Variants in PAWR observed in about 807,000 individuals in gnomAD.
PAWR encodes PRKC apoptosis WT1 regulator protein.
In PAWR, 23 loss-of-function variants were observed where a neutral mutation model predicts 32.0. The ratio of observed to expected loss-of-function variants is 0.72; its 90% CI spans 0.52 to 1.02. PAWR has a LOEUF of 1.02. Among genes scored for constraint, PAWR ranks in the 50% least tolerant of loss-of-function variants. The pLI is 0.00. For synonymous variants in PAWR, 226 were observed against 187.1 expected (o/e 1.21, Z -1.70); for missense variants, 457 against 437.7 (o/e 1.04, Z -0.39).
chr12:79,666,208 A>T lies in PAWR; in HGVS notation c.516+23521T>A, dbSNP rs375611926. 5.9e-5 allele frequency among the ~76,000 whole-genome samples: 9 copies of T among 152,278 alleles called. 1 individual carries two copies. The highest frequency in any genetic ancestry group is 2.2e-4 in the African/African-American group (9 of 41,570). On this transcript the variant is annotated intron_variant, in intron 2 of 6. Transcript: ENST00000328827. The stretch of plus-strand genomic sequence containing the variant: ...AAGGGGGCTTAAAAGTAGTCTTCTC[A>T]TCTCTTTCTCACATAGTAAAATGAA...
chr12:79,667,241 G>A (rs1196628516), intron 2 of PAWR, among the ~76,000 whole-genome samples: 1 of 152,090 alleles, frequency 6.6e-6, no homozygotes, highest in African/African-American at 2.4e-5. Context: ...AGCTGATCTA[G>A]GCAATTTACC....
intron 2 of PAWR, among the ~76,000 whole-genome samples, chr12:79,639,911 C>CATTCCATTCCATTCCATTCCATTCT (rs1566014452): frequency 7.8e-5 from 8 of 102,872 alleles, no homozygotes; most frequent in African/African-American, 4.0e-4. Flanking sequence ...CATTCCATTC[C>CATTCCATTCCATTCCATTCCATTCT]ATTCTATTCT....
chr12:79,639,578 C>T (rs1876179399), intron 2 of PAWR, among the ~76,000 whole-genome samples: 1 of 152,134 alleles, frequency 6.6e-6, no homozygotes, highest in Non-Finnish European at 1.5e-5. Flanking sequence ...GTCCCCTGGA[C>T]TTCTATGCAC....
At chr12:79,663,664 G>A (rs964666618) in intron 2 of PAWR, among the ~76,000 whole-genome samples, 1 of 152,116 alleles carries the variant, frequency 6.6e-6, no homozygotes, top group Middle Eastern at 3.4e-3. Context: ...GGAGGCTGAG[G>A]TGGGACAATC....
chr12:79,611,791 G>A (rs1025605457), intron 4 of PAWR, among the ~76,000 whole-genome samples: 14 of 151,982 alleles, frequency 9.2e-5, no homozygotes, highest in Non-Finnish European at 1.2e-4. Flanking sequence ...CAAACACATG[G>A]ACATATCACA....
rs1206621919 is a variant in PAWR at position 79,587,967 on chromosome 12, T to C, written c.*4640A>G. On this transcript the variant is annotated 3_prime_UTR_variant, in exon 7 of 7. Transcript: ENST00000328827. ...TATCCAGATGTTTTTCCACAAATATTTGGATTACCTGAATTAGCTGATTCT... is the reference window on the plus strand; with the variant it reads ...TATCCAGATGTTTTTCCACAAATATCTGGATTACCTGAATTAGCTGATTCT... 2.0e-5 allele frequency: 3 copies of C among 152,058 alleles called. No individual in the cohort carries two copies. The highest frequency in any genetic ancestry group is 7.2e-5 in the African/African-American group (3 of 41,460). The allele number at this position is 152,058 out of a possible 1,614,324, so 9.4% of individuals were successfully genotyped here.
chr12:79,595,336 T>C (rs759116191), intron 5 of PAWR, among the ~76,000 whole-genome samples: 2 of 152,180 alleles, frequency 1.3e-5, no homozygotes, highest in East Asian at 1.9e-4. Flanking sequence ...GTCAGCCACC[T>C]TGGGGGCAAA....
intron 6 of PAWR, among the ~76,000 whole-genome samples, chr12:79,593,702 T>G (rs1040498442): frequency 1.3e-4 from 16 of 123,494 alleles, no homozygotes; most frequent in African/African-American, 4.5e-4. Context: ...AATTTTAGGG[T>G]TTTTTTTTTT....
At chr12:79,615,460 C>T (rs1337773323) in intron 3 of PAWR, among the ~76,000 whole-genome samples, 5 of 152,122 alleles carry the variant, frequency 3.3e-5, no homozygotes, top group African/African-American at 1.2e-4. Context: ...GGGCTTGACC[C>T]CATAAACACG....
At chr12:79,604,380 CA>C (rs1450362339) in intron 4 of PAWR, 4 of 1,012,972 alleles carry the variant, frequency 3.9e-6, no homozygotes, top group Non-Finnish European at 4.7e-6. Flanking sequence ...GTAGAAACAC[CA>C]GGGGGTGTTG....
At chr12:79,638,897 T>TA (rs57439521) in intron 2 of PAWR, among the ~76,000 whole-genome samples, 151 of 5,716 alleles carry the variant, frequency 0.026, no homozygotes, top group Non-Finnish European at 0.034. Flanking sequence ...TATATATATA[T>TA]TTTTTTTTTT....
intron 4 of PAWR, chr12:79,597,788 T>C (rs1873817427): frequency 6.6e-6 from 1 of 152,224 alleles, no homozygotes; most frequent in African/African-American, 2.4e-5. Flanking sequence ...TCCTGTATTA[T>C]TCTATTAAAA....
chr12:79,689,339 G>T (rs562923679), intron 2 of PAWR, among the ~76,000 whole-genome samples: 81 of 152,216 alleles, frequency 5.3e-4, no homozygotes, highest in Admixed American at 2.6e-3. Context: ...ACATGGGCAC[G>T]TGAGACCCTA....
rs906546190 is a variant in PAWR at position 79,586,192 on chromosome 12, A to G, written c.*6415T>C. The G allele has an allele frequency of 6.6e-6, 1 of 152,396 alleles. No homozygotes were observed. The highest frequency in any genetic ancestry group is 1.5e-5 in the Non-Finnish European group (1 of 68,042). The allele number at this position is 152,396 out of a possible 1,614,324, so 9.4% of individuals were successfully genotyped here. ...TAACAGTTTTTCAGCTTTTCTCAAT[A>G]CTTTCAGCCATCCATACATAAAATG... is the stretch of plus-strand genomic sequence containing the variant. On this transcript the variant is annotated 3_prime_UTR_variant, in exon 7 of 7. Coordinates refer to ENST00000328827, the MANE Select transcript of PAWR (RefSeq NM_002583.4).
chr12:79,647,840 C>T (rs1025139502), intron 2 of PAWR, among the ~76,000 whole-genome samples: 2 of 152,184 alleles, frequency 1.3e-5, no homozygotes, highest in Admixed American at 1.3e-4. Flanking sequence ...TTTTCTAACA[C>T]AGCGGTCCCC....
At chr12:79,659,072 C>T (rs903602464) in intron 2 of PAWR, among the ~76,000 whole-genome samples, 6 of 151,158 alleles carry the variant, frequency 4.0e-5, no homozygotes, top group South Asian at 4.2e-4. Context: ...CCAAGGCAGG[C>T]GGATCACAAA....
At chr12:79,650,208 T>C (rs1296047694) in intron 2 of PAWR, among the ~76,000 whole-genome samples, 1 of 152,230 alleles carries the variant, frequency 6.6e-6, no homozygotes, top group African/African-American at 2.4e-5. Flanking sequence ...ATCTATAATG[T>C]ATTGGCTACT....
chr12:79,629,807 CAATT>C (rs1311877777), intron 2 of PAWR, among the ~76,000 whole-genome samples: 7 of 152,048 alleles, frequency 4.6e-5, no homozygotes, highest in African/African-American at 1.4e-4. Flanking sequence ...GACCACTACT[CAATT>C]AAACTTAAAA....
chr12:79,666,670 G>A (rs1468283944), intron 2 of PAWR, among the ~76,000 whole-genome samples: 1 of 152,096 alleles, frequency 6.6e-6, no homozygotes, highest in Non-Finnish European at 1.5e-5. Flanking sequence ...TTAAACAGTG[G>A]ACCAATTTTC....
Sources: gnomAD v4.1 joint callset for allele counts (sites outside exome capture counted in the v4.1 genomes callset) on GRCh38, gnomAD v4.1.1 for gene constraint, MANE v1.5 for transcripts, NCBI Gene and HGNC (gene_info 2026-07-23, HGNC 2026-07-21) for gene names.